The following DPP10 variants were observed in gnomAD, a reference collection of about 807,000 sequenced individuals.
DPP10 encodes the protein inactive dipeptidyl peptidase 10.
In DPP10, 33 loss-of-function variants were observed where a neutral mutation model predicts 120.9. That is an observed-to-expected ratio of 0.27 (90% CI 0.21 to 0.37). The LOEUF (loss-of-function observed/expected upper bound fraction) is 0.37. Among genes scored for constraint, DPP10 ranks in the 10% least tolerant of loss-of-function variants. DPP10 has a pLI of 1.00. For missense variants in DPP10, 816 were observed against 942.8 expected (o/e 0.87, Z 1.76); for synonymous variants, 337 against 326.1 (o/e 1.03, Z -0.36).
In DPP10 at chr2:115,403,381, CTTTTTTTTT is replaced by C. The variant is rs78116780; in HGVS notation, c.271+59497_271+59505del. 8.4e-3 allele frequency among the ~76,000 whole-genome samples: 996 copies of C among 118,130 alleles called. 10 individuals carry two copies. Among genetic ancestry groups the C allele is most frequent in the African/African-American group, 0.026 (726 of 27,892 alleles). 77.5% of individuals were successfully genotyped at this position (118,130 alleles called of 152,430 possible). ...TACTTCTCTCTTTCTTTCTTTCCTTCTTTTTTTTTTTTTTTTTTTTTTTTTTTTTTTTTT... is the reference window on the plus strand; with the variant it reads ...TACTTCTCTCTTTCTTTCTTTCCTTCTTTTTTTTTTTTTTTTTTTTTTTTT... On this transcript the variant is annotated intron_variant, in intron 3 of 25. Coordinates refer to ENST00000410059, the MANE Select transcript of DPP10 (RefSeq NM_020868.6).
chr2:115,118,998 G>A (rs746434168), intron 1 of DPP10, among the ~76,000 whole-genome samples: 1 of 152,134 alleles, frequency 6.6e-6, no homozygotes, highest in Non-Finnish European at 1.5e-5. Flanking sequence ...ACTAGGAAGA[G>A]GGTCAAGCAG....
chr2:115,638,549 A>C (rs1215925174), intron 5 of DPP10, among the ~76,000 whole-genome samples: 2 of 152,224 alleles, frequency 1.3e-5, no homozygotes, highest in African/African-American at 4.8e-5. Flanking sequence ...TTTCACTAAA[A>C]TATCTATATT....
chr2:115,565,459 A>C (rs2080941228), intron 5 of DPP10, among the ~76,000 whole-genome samples: 1 of 152,136 alleles, frequency 6.6e-6, no homozygotes. Context: ...TTGATAAAAA[A>C]GAAAATTAAT....
rs192191316 is a variant in DPP10, at chr2:115,044,497, A to C, written c.61-264742A>C. Among the ~76,000 whole-genome samples, 6 of 152,196 alleles carry C rather than the reference A, an allele frequency of 3.9e-5. No individual in the cohort carries two copies. The East Asian group carries it at 1.2e-3, about 29-fold the overall frequency. On this transcript the variant is annotated intron_variant, in intron 1 of 25. Coordinates refer to ENST00000410059, the MANE Select transcript of DPP10 (RefSeq NM_020868.6). ...TCATTTAACATTAGGTATATCACCT[A>C]ATGCTAACCAGATCTTACAAGAGCT...
chr2:114,554,071 G>C (rs969700454), intron 1 of DPP10, among the ~76,000 whole-genome samples: 2 of 152,212 alleles, frequency 1.3e-5, no homozygotes, highest in African/African-American at 4.8e-5. Context: ...TTTCATAGGA[G>C]AGTTGATGTT....
chr2:115,513,381 A>C (rs2148846863), intron 4 of DPP10, among the ~76,000 whole-genome samples: 1 of 152,092 alleles, frequency 6.6e-6, no homozygotes, highest in East Asian at 1.9e-4. Flanking sequence ...GCAATTATTA[A>C]TAAGGTAGAA....
chr2:115,637,568 T>C (rs915475853), intron 5 of DPP10, among the ~76,000 whole-genome samples: 1 of 152,138 alleles, frequency 6.6e-6, no homozygotes, highest in African/African-American at 2.4e-5. Flanking sequence ...CAATGAAATA[T>C]ATTGTTAGGA....
At position 115,079,879 on chromosome 2, in the gene DPP10, A is replaced by G. The variant is rs1408159025; in HGVS notation, c.61-229360A>G. 2.0e-5 allele frequency among the ~76,000 whole-genome samples: 3 copies of G among 152,206 alleles called. No homozygotes were observed. In the East Asian group the frequency reaches 5.8e-4, roughly 29 times the overall value. Reference sequence around the variant, plus strand: ...CCAGAAAGCTCCTACTAGTTGCCTCATTGTTGTTGAATATTTCCTACAATT... The same window carrying G: ...CCAGAAAGCTCCTACTAGTTGCCTCGTTGTTGTTGAATATTTCCTACAATT... On this transcript the variant is annotated intron_variant, in intron 1 of 25. Transcript: ENST00000410059.
chr2:115,751,068 T>A (rs1434145375), intron 10 of DPP10, among the ~76,000 whole-genome samples: 5 of 152,190 alleles, frequency 3.3e-5, no homozygotes, highest in African/African-American at 1.2e-4. Context: ...CCAAAAAATA[T>A]GACCTTCTTG....
intron 5 of DPP10, among the ~76,000 whole-genome samples, chr2:115,688,449 T>C (rs2091129363): frequency 6.6e-6 from 1 of 152,190 alleles, no homozygotes; most frequent in Admixed American, 6.5e-5. Context: ...ATAATATTTG[T>C]GCAATGTACA....
chr2:114,553,733 A>C (rs1005981990), intron 1 of DPP10, among the ~76,000 whole-genome samples: 1 of 152,222 alleles, frequency 6.6e-6, no homozygotes, highest in East Asian at 1.9e-4. Flanking sequence ...TGATTCAAAC[A>C]GTAGAAGTAT....
At chr2:114,472,446 C>T (rs1679999335) in intron 1 of DPP10, among the ~76,000 whole-genome samples, 1 of 152,202 alleles carries the variant, frequency 6.6e-6, no homozygotes, top group Non-Finnish European at 1.5e-5. Flanking sequence ...ATTGGCCTAT[C>T]ACCAGGTTTT....
rs573712520 is a variant in DPP10, at chr2:115,178,508, G to A, written c.61-130731G>A. On this transcript the variant is annotated intron_variant, in intron 1 of 25. Coordinates refer to ENST00000410059, the MANE Select transcript of DPP10 (RefSeq NM_020868.6). ...CCACTACTGTCATCTGTGGAGGAGA[G>A]TGGCTACTTTACTGGTCAACCACAA... 7.2e-5 allele frequency among the ~76,000 whole-genome samples: 11 copies of A among 152,322 alleles called. No individual in the cohort carries two copies. The East Asian group carries it at 2.1e-3, about 29-fold the overall frequency.
rs149275436 is a variant in DPP10, at chr2:115,782,939, G to A, written c.1531+540G>A. On this transcript the variant is annotated intron_variant, in intron 17 of 25. Transcript: ENST00000410059. The stretch of plus-strand genomic sequence containing the variant: ...TTTGTCAAACAATGTGACAGAGTCG[G>A]AGGGTACACTGAAAGAGTGTTTTGT... Among the ~76,000 whole-genome samples the A allele has an allele frequency of 2.2e-3, 330 of 152,172 alleles. 1 individual carries two copies. The highest frequency in any genetic ancestry group is 6.8e-3 in the Middle Eastern group (2 of 294).
intron 1 of DPP10, among the ~76,000 whole-genome samples, chr2:114,692,547 T>A (rs1242218627): frequency 6.6e-6 from 1 of 152,104 alleles, no homozygotes; most frequent in Non-Finnish European, 1.5e-5. Flanking sequence ...GAAAAGAATG[T>A]ATACTCTGTT....
intron 1 of DPP10, among the ~76,000 whole-genome samples, chr2:115,090,003 C>T (rs1161510214): frequency 1.3e-5 from 2 of 151,482 alleles, no homozygotes; most frequent in East Asian, 1.9e-4. Context: ...TAGTACATCA[C>T]AGGGACTGCC....
At chr2:114,686,787 T>C (rs1347099529) in intron 1 of DPP10, among the ~76,000 whole-genome samples, 2 of 151,968 alleles carry the variant, frequency 1.3e-5, no homozygotes, top group Non-Finnish European at 2.9e-5. Context: ...CAATGTACAA[T>C]ACATTCTTCC....
chr2:115,565,371 G>A (rs1043944406), intron 5 of DPP10, among the ~76,000 whole-genome samples: 3 of 152,032 alleles, frequency 2.0e-5, no homozygotes, highest in African/African-American at 7.2e-5. Flanking sequence ...AGAATAAGTT[G>A]CCCACATTAT....
At chr2:115,365,163 T>C (rs1049186334) in intron 3 of DPP10, among the ~76,000 whole-genome samples, 7 of 152,076 alleles carry the variant, frequency 4.6e-5, no homozygotes, top group Admixed American at 2.6e-4. Context: ...TGAAACTGTA[T>C]TGAAGCAAAC....
Sources: allele counts gnomAD v4.1 joint callset (sites outside exome capture counted in the v4.1 genomes callset), GRCh38; gene constraint gnomAD v4.1.1; transcripts MANE v1.5; gene names NCBI Gene and HGNC (gene_info 2026-07-23, HGNC 2026-07-21).